Variants in PDLIM5 observed in about 807,000 individuals in gnomAD.
PDLIM5 encodes PDZ and LIM domain 5.
A neutral mutation model predicts 64.2 loss-of-function variants in PDLIM5; 34 were observed. The ratio of observed to expected loss-of-function variants is 0.53; its 90% confidence interval spans 0.40 to 0.71. The LOEUF (loss-of-function observed/expected upper bound fraction) is 0.71. PDLIM5 is among the 30% of genes least tolerant of loss of function. The probability of loss-of-function intolerance (pLI) is 0.00; values close to 1 mark genes in which losing one functional copy is unlikely to be tolerated. For missense variants in PDLIM5, 683 were observed against 733.6 expected (o/e 0.93, Z 0.80); for synonymous variants, 253 against 269.1 (o/e 0.94, Z 0.59).
At chr4:94,631,357 G>A (rs573980675) in intron 8 of PDLIM5, among the ~76,000 whole-genome samples, 31 of 152,124 alleles carry the variant, frequency 2.0e-4, no homozygotes, top group Non-Finnish European at 4.0e-4. Context: ...ATGGAAATAA[G>A]TAGTATTTAT....
intron 5 of PDLIM5, chr4:94,584,652 A>G: frequency 4.0e-6 from 1 of 248,778 alleles, no homozygotes; most frequent in Non-Finnish European, 7.6e-6. Context: ...TAGAAATAAT[A>G]GTTCGGACCC....
intron 3 of PDLIM5, among the ~76,000 whole-genome samples, chr4:94,547,119 A>T (rs76789883): frequency 6.6e-6 from 1 of 152,118 alleles, no homozygotes; most frequent in Admixed American, 6.6e-5. Context: ...ACATTTTCAT[A>T]AAAGTTTTCC....
At chr4:94,467,204 A>G (rs761244335) in intron 2 of PDLIM5, among the ~76,000 whole-genome samples, 1 of 152,232 alleles carries the variant, frequency 6.6e-6, no homozygotes, top group Non-Finnish European at 1.5e-5. Flanking sequence ...TTCAGTAACT[A>G]TTAATGATCA....
At chr4:94,603,878 C>T (rs540838940) in intron 7 of PDLIM5, among the ~76,000 whole-genome samples, 1 of 152,220 alleles carries the variant, frequency 6.6e-6, no homozygotes, top group Non-Finnish European at 1.5e-5. Context: ...CCCATCACAC[C>T]ACTGATAGAT....
In PDLIM5 at chr4:94,573,589, T is replaced by C. The variant is rs768329392; in HGVS notation, c.291+196T>C. 5.9e-5 allele frequency: 36 copies of C among 605,476 alleles called. No homozygotes were observed. The South Asian group carries it at 7.3e-4, about 12-fold the overall frequency. 37.5% of individuals were successfully genotyped at this position (605,476 alleles called of 1,614,324 possible). On this transcript the variant is annotated intron_variant, in intron 4 of 12. Coordinates refer to ENST00000317968, the MANE Select transcript of PDLIM5 (RefSeq NM_006457.5). Reference sequence around the variant, plus strand: ...ATACCATTTGTAATTATACATGTTATAAAACATTATTTCCAAAGCCATATG... The same window carrying C: ...ATACCATTTGTAATTATACATGTTACAAAACATTATTTCCAAAGCCATATG...
chr4:94,527,046 CTT>C (rs57625095), intron 3 of PDLIM5, among the ~76,000 whole-genome samples: 1,524 of 57,742 alleles, frequency 0.026, 59 homozygotes, highest in African/African-American at 0.099. Flanking sequence ...GAACAGCATT[CTT>C]TTTTTTTTTT....
intron 9 of PDLIM5, among the ~76,000 whole-genome samples, chr4:94,644,415 A>T (rs1288183237): frequency 6.6e-6 from 1 of 152,242 alleles, no homozygotes; most frequent in Admixed American, 6.5e-5. Context: ...TAAGGAACTC[A>T]AAAGTATGAT....
At chr4:94,502,693 A>G (rs1348803172) in intron 2 of PDLIM5, among the ~76,000 whole-genome samples, 1 of 152,146 alleles carries the variant, frequency 6.6e-6, no homozygotes, top group Non-Finnish European at 1.5e-5. Flanking sequence ...CCTGACCAGC[A>G]TGGTGAAACC....
chr4:94,547,933 T>C (rs982645204), intron 3 of PDLIM5, among the ~76,000 whole-genome samples: 20 of 152,196 alleles, frequency 1.3e-4, no homozygotes, highest in Admixed American at 1.2e-3. Context: ...CTCTTCTCAC[T>C]CCTGGTAAGT....
chr4:94,634,320 A>G (rs1020486772), intron 8 of PDLIM5, among the ~76,000 whole-genome samples: 2 of 152,186 alleles, frequency 1.3e-5, no homozygotes, highest in African/African-American at 4.8e-5. Flanking sequence ...GTGGTGAGAC[A>G]TCATTATGTG....
intron 2 of PDLIM5, among the ~76,000 whole-genome samples, chr4:94,501,678 A>G (rs1423183856): frequency 6.6e-6 from 1 of 152,206 alleles, no homozygotes; most frequent in Non-Finnish European, 1.5e-5. Flanking sequence ...TAAAAGACTG[A>G]CAATCCTCAC....
At chr4:94,558,691 T>C (rs1274833460) in intron 3 of PDLIM5, among the ~76,000 whole-genome samples, 1 of 152,066 alleles carries the variant, frequency 6.6e-6, no homozygotes, top group Non-Finnish European at 1.5e-5. Flanking sequence ...ACTAACATTG[T>C]TGGGGGATAA....
At chr4:94,549,242 C>T (rs1374481096) in intron 3 of PDLIM5, among the ~76,000 whole-genome samples, 2 of 152,150 alleles carry the variant, frequency 1.3e-5, no homozygotes, top group Non-Finnish European at 2.9e-5. Context: ...TGAGGGGGTT[C>T]TATATGGAGT....
chr4:94,611,095 C>A, intron 7 of PDLIM5: 1 of 1,534,382 alleles, frequency 6.5e-7, no homozygotes, highest in South Asian at 1.2e-5. Flanking sequence ...AGATATCACT[C>A]ACTCCTGGAT....
At chr4:94,604,539 C>T (rs1415469774) in intron 7 of PDLIM5, among the ~76,000 whole-genome samples, 1 of 152,158 alleles carries the variant, frequency 6.6e-6, no homozygotes, top group East Asian at 1.9e-4. Context: ...GAGGCTGAGG[C>T]AGGAGAATCG....
chr4:94,633,029 G>T (rs1404060221), intron 8 of PDLIM5, among the ~76,000 whole-genome samples: 1 of 152,100 alleles, frequency 6.6e-6, no homozygotes, highest in Non-Finnish European at 1.5e-5. Flanking sequence ...GAAAAAAATT[G>T]AAAATTGGGT....
intron 2 of PDLIM5, among the ~76,000 whole-genome samples, chr4:94,514,616 A>T (rs941337513): frequency 6.6e-6 from 1 of 152,134 alleles, no homozygotes; most frequent in Admixed American, 6.5e-5. Flanking sequence ...GTAGGATTGT[A>T]TTAGTTCTTC....
At chr4:94,573,273 T>G (rs1274278678) in intron 3 of PDLIM5, 78 bp from the exon 4 acceptor site, 1 of 1,086,924 alleles carries the variant, frequency 9.2e-7, no homozygotes, top group Non-Finnish European at 1.4e-6. Context: ...ATTATAATAG[T>G]AAAAATTCCA....
intron 9 of PDLIM5, among the ~76,000 whole-genome samples, chr4:94,640,867 A>G (rs1740954187): frequency 6.6e-6 from 1 of 152,228 alleles, no homozygotes; most frequent in Admixed American, 6.5e-5. Context: ...TTTGAGCCTT[A>G]GAGAAAAAGA....
Sources: allele counts gnomAD v4.1 joint callset (sites outside exome capture counted in the v4.1 genomes callset), GRCh38; gene constraint gnomAD v4.1.1; transcripts MANE v1.5; gene names NCBI Gene and HGNC (gene_info 2026-07-23, HGNC 2026-07-21).